Variants in RBM34 observed in about 807,000 individuals in gnomAD.
The protein encoded by RBM34 is RNA-binding protein 34.
A neutral mutation model predicts 44.6 loss-of-function variants in RBM34; 39 were observed. That is an observed-to-expected ratio of 0.87 (90% confidence interval 0.68 to 1.14). The LOEUF (loss-of-function observed/expected upper bound fraction) is 1.14. Ranked by LOEUF, RBM34 falls within the 50% of genes most tolerant of loss-of-function variation. RBM34 has a pLI of 0.00. For synonymous variants in RBM34, 194 were observed against 184.0 expected, an observed-to-expected ratio of 1.05 and a Z score of -0.44; for missense variants, 572 against 517.9, an observed-to-expected ratio of 1.10 and a Z score of -1.01.
intron 6 of RBM34, among the ~76,000 whole-genome samples, chr1:235,138,694 T>C (rs1234919938): frequency 6.6e-6 from 1 of 152,230 alleles, no homozygotes; most frequent in Non-Finnish European, 1.5e-5. Flanking sequence ...TTCCCATTTT[T>C]ATAGGAACTA....
At chr1:235,155,328 T>C (rs139264142) in intron 3 of RBM34, among the ~76,000 whole-genome samples, 1,724 of 152,112 alleles carry the variant, frequency 0.011, 30 homozygotes, top group African/African-American at 0.036. Flanking sequence ...ACTCAAGATT[T>C]AGAAAAAGTT....
In RBM34 at chr1:235,161,087, A is replaced by G. The variant is rs775290691; in HGVS notation, c.54-20T>C. 1 of 1,609,388 alleles carries G rather than the reference A, an allele frequency of 6.2e-7. No homozygotes were observed. The highest frequency in any genetic ancestry group is 8.5e-7 in the Non-Finnish European group (1 of 1,176,204). On this transcript the variant is annotated intron_variant, in intron 1 of 10. Transcript: ENST00000408888. ...TTCTCTCTAGAAATGGACGACAGAA[A>G]CTCAGCCACGCCACGCACCACCGCT...
At chr1:235,144,341 G>A (rs528800419) in intron 6 of RBM34, among the ~76,000 whole-genome samples, 2 of 152,248 alleles carry the variant, frequency 1.3e-5, no homozygotes, top group Admixed American at 6.5e-5. Context: ...GAGGACAGAG[G>A]TGGAGGGACA....
chr1:235,155,258 A>C (rs1572166967), intron 3 of RBM34, 146 bp from the exon 4 acceptor site: 8 of 682,426 alleles, frequency 1.2e-5, no homozygotes, highest in Non-Finnish European at 2.0e-5. Context: ...AAATATATCA[A>C]AATTTTTAGA....
intron 3 of RBM34, among the ~76,000 whole-genome samples, chr1:235,155,842 T>TATATATATATATATAC (rs1662402221): frequency 3.8e-5 from 1 of 26,314 alleles, no homozygotes; most frequent in East Asian, 1.1e-3. Flanking sequence ...TATATATATA[T>TATATATATATATATAC]ATATATATAT....
chr1:235,155,195 C>T (rs1168072098), intron 3 of RBM34, 83 bp from the exon 4 acceptor site: 4 of 1,064,114 alleles, frequency 3.8e-6, no homozygotes, highest in Admixed American at 2.7e-5. Flanking sequence ...CCTACCCTCC[C>T]GACTAGAAAT....
chr1:235,136,789 A>G (rs1359855580), intron 8 of RBM34, among the ~76,000 whole-genome samples: 1 of 152,246 alleles, frequency 6.6e-6, no homozygotes, highest in African/African-American at 2.4e-5. Context: ...AGCACGGTAG[A>G]CAAGGTCTTC....
At chr1:235,137,798 C>A in intron 8 of RBM34, 79 bp downstream of exon 8, 1 of 1,117,448 alleles carries the variant, frequency 8.9e-7, no homozygotes. Context: ...TGATTCCAGT[C>A]CCCTTCCAGG....
At chr1:235,149,031 C>T (rs1662037618) in intron 5 of RBM34, among the ~76,000 whole-genome samples, 1 of 152,002 alleles carries the variant, frequency 6.6e-6, no homozygotes, top group African/African-American at 2.4e-5. Context: ...TCTCAAATTG[C>T]ATCAGATGAC....
chr1:235,160,663 A>T lies in RBM34; in HGVS notation c.229-16T>A. ...TGATGGTTTGCTTTTTAAAAGTTTG[A>T]AGTTATATTTGAGACCCCATACTTC... is the stretch of plus-strand genomic sequence containing the variant. On this transcript the variant is annotated splice_polypyrimidine_tract_variant and intron_variant, in intron 2 of 10. Coordinates refer to ENST00000408888, the MANE Select transcript of RBM34 (RefSeq NM_015014.4). The T allele has an allele frequency of 6.2e-7, 1 of 1,608,086 alleles. No individual in the cohort carries two copies. Among genetic ancestry groups the T allele is most frequent in the Non-Finnish European group, 8.5e-7 (1 of 1,178,130 alleles).
intron 3 of RBM34, among the ~76,000 whole-genome samples, chr1:235,159,222 A>G (rs1662582727): frequency 6.6e-6 from 1 of 151,810 alleles, no homozygotes; most frequent in Admixed American, 6.6e-5. Flanking sequence ...CAAAAAAAAA[A>G]AAAAAAAGTT....
chr1:235,154,834 G>A (rs1354572949), intron 4 of RBM34, 47 bp downstream of exon 4: 1 of 1,453,712 alleles, frequency 6.9e-7, no homozygotes, highest in East Asian at 2.3e-5. Flanking sequence ...AACACAGGAA[G>A]AACAAAGTTA....
At chr1:235,132,094 G>A in intron 10 of RBM34, 97 bp from the exon 11 acceptor site, 1 of 1,198,316 alleles carries the variant, frequency 8.3e-7, no homozygotes, top group Non-Finnish European at 1.2e-6. Context: ...CGACTTTCAA[G>A]CTTGCACAGA....
intron 3 of RBM34, among the ~76,000 whole-genome samples, chr1:235,155,330 G>A (rs1421664123): frequency 6.6e-6 from 1 of 151,594 alleles, no homozygotes; most frequent in Non-Finnish European, 1.5e-5. Flanking sequence ...TCAAGATTTA[G>A]AAAAAGTTAA....
rs530408862 is a variant in RBM34 at position 235,131,879 on chromosome 1, C to T, written c.1127G>A (p.Arg376Gln). The T allele has an allele frequency of 3.1e-5, 50 of 1,614,058 alleles. 2 individuals carry two copies. The South Asian group carries it at 4.5e-4, about 15-fold the overall frequency. The change falls in exon 11 of 11, where the codon CGA becomes CAA. Residue 376 changes from arginine to glutamine, a missense_variant. Arg to Gln is a conservative substitution (Grantham distance 43). Coordinates refer to ENST00000408888, the MANE Select transcript of RBM34 (RefSeq NM_015014.4). ...EKFKQQNSNP[R>Q]LKNVSKPKQG... ...CTTAGGTTTACTGACATTCTTCAATCGTGGATTTGAATTTTGTTGTTTAAA... is the reference window on the plus strand; with the variant it reads ...CTTAGGTTTACTGACATTCTTCAATTGTGGATTTGAATTTTGTTGTTTAAA...
chr1:235,157,353 G>A (rs558035219), intron 3 of RBM34, among the ~76,000 whole-genome samples: 2 of 152,230 alleles, frequency 1.3e-5, no homozygotes, highest in African/African-American at 4.8e-5. Flanking sequence ...ATCAGGACTC[G>A]GCAACTGATT....
At chr1:235,132,545 A>G (rs567296103) in intron 10 of RBM34, among the ~76,000 whole-genome samples, 1 of 152,050 alleles carries the variant, frequency 6.6e-6, no homozygotes, top group African/African-American at 2.4e-5. Context: ...TTGACCTTGT[A>G]ATCTGCCCAC....
At chr1:235,140,897 G>A (rs909855673) in intron 6 of RBM34, among the ~76,000 whole-genome samples, 3 of 150,882 alleles carry the variant, frequency 2.0e-5, no homozygotes, top group Admixed American at 6.6e-5. Flanking sequence ...GGACCTTGGA[G>A]AACTTTTATG....
rs185243124 is a variant in RBM34, at chr1:235,134,288, T to C, written c.1008+1364A>G. On this transcript the variant is annotated intron_variant, in intron 10 of 10. Transcript: ENST00000408888. ...ATCCACCTGCCTTGGCCTCCTAAAG[T>C]GGTGGGATTACAGGCGTGAGCCACC... Among the ~76,000 whole-genome samples the C allele has an allele frequency of 1.2e-3, 179 of 152,192 alleles. 1 individual carries two copies. The highest frequency in any genetic ancestry group is 8.9e-3 in the Admixed American group (136 of 15,276).
Sources: gnomAD v4.1 joint callset for allele counts (sites outside exome capture counted in the v4.1 genomes callset) on GRCh38, gnomAD v4.1.1 for gene constraint, MANE v1.5 for transcripts, NCBI Gene and HGNC (gene_info 2026-07-23, HGNC 2026-07-21) for gene names.